KIF26B: variants seen among roughly 807,000 people sequenced by gnomAD.
The protein encoded by KIF26B is kinesin family member 26B.
In KIF26B, 63 loss-of-function variants were observed where a neutral mutation model predicts 151.2. That is an observed-to-expected ratio of 0.42 (90% CI 0.34 to 0.51). The LOEUF is 0.51. KIF26B is among the 20% of genes least tolerant of loss of function. KIF26B has a pLI of 0.07. For synonymous variants in KIF26B, 1,357 were observed against 1,262.1 expected (o/e 1.08, Z -1.59); for missense variants, 2,813 against 2,913.6 (o/e 0.97, Z 0.79).
intron 2 of KIF26B, among the ~76,000 whole-genome samples, chr1:245,197,763 T>A (rs1056891758): frequency 5.3e-5 from 8 of 152,094 alleles, no homozygotes; most frequent in African/African-American, 1.9e-4. Context: ...ACAGGAGATA[T>A]TTTGAAATTT....
intron 9 of KIF26B, among the ~76,000 whole-genome samples, chr1:245,639,751 A>G (rs1177081615): frequency 2.0e-5 from 3 of 151,874 alleles, no homozygotes; most frequent in African/African-American, 7.3e-5. Flanking sequence ...ATGTTATTCA[A>G]TTTCCATATA....
At chr1:245,349,262 T>C (rs559453063) in intron 2 of KIF26B, among the ~76,000 whole-genome samples, 4 of 152,326 alleles carry the variant, frequency 2.6e-5, no homozygotes, top group South Asian at 4.1e-4. Context: ...TAGATTCACA[T>C]TGATACTTGA....
rs968850038 is a variant in KIF26B at position 245,274,682 on chromosome 1, A to G, written c.466-92152A>G. Among the ~76,000 whole-genome samples, 3 of 152,252 alleles carry G rather than the reference A, an allele frequency of 2.0e-5. No homozygotes were observed. In the South Asian group the frequency reaches 6.2e-4, roughly 31 times the overall value. ...CTTTGCTATTGTGAACAGTGCCGCA[A>G]TAAACATATGTGTGCATGTGTCTTT... On this transcript the variant is annotated intron_variant, in intron 2 of 14. Transcript: ENST00000407071.
chr1:245,669,854 C>G (rs1320748470), intron 10 of KIF26B, among the ~76,000 whole-genome samples: 1 of 152,100 alleles, frequency 6.6e-6, no homozygotes, highest in Non-Finnish European at 1.5e-5. Context: ...AGCAGGGGAG[C>G]TGGAGGCCAT....
At chr1:245,201,759 G>T (rs1292473365) in intron 2 of KIF26B, among the ~76,000 whole-genome samples, 1 of 152,176 alleles carries the variant, frequency 6.6e-6, no homozygotes, top group Non-Finnish European at 1.5e-5. Flanking sequence ...TAGGAGGCGT[G>T]GGGGCGGGGG....
chr1:245,533,478 A>G (rs1240735159), intron 4 of KIF26B, among the ~76,000 whole-genome samples: 2 of 152,224 alleles, frequency 1.3e-5, no homozygotes, highest in East Asian at 1.9e-4. Context: ...CCCCTCAGAC[A>G]AGATGAAATA....
chr1:245,624,506 A>G (rs752078625), intron 9 of KIF26B, among the ~76,000 whole-genome samples: 2 of 152,180 alleles, frequency 1.3e-5, no homozygotes, highest in African/African-American at 2.4e-5. Context: ...GCACTTCGCT[A>G]ATGACCAATG....
chr1:245,471,194 C>T (rs1007323472), intron 4 of KIF26B, among the ~76,000 whole-genome samples: 4 of 151,576 alleles, frequency 2.6e-5, no homozygotes, highest in Non-Finnish European at 5.9e-5. Context: ...ACAGTGGCAC[C>T]ATCTCGGCTC....
chr1:245,291,827 G>A lies in KIF26B; in HGVS notation c.466-75007G>A, dbSNP rs1035049271. Among the ~76,000 whole-genome samples the A allele has an allele frequency of 3.9e-5, 6 of 152,258 alleles. No individual in the cohort carries two copies. In the South Asian group the frequency reaches 8.3e-4, roughly 21 times the overall value. On this transcript the variant is annotated intron_variant, in intron 2 of 14. Transcript: ENST00000407071. ...CGGTGACAGTGTGGGGCCCAGAGAC[G>A]GTACGGTGGAGCACTTTTCAGAGAG... is the stretch of plus-strand genomic sequence containing the variant.
intron 2 of KIF26B, among the ~76,000 whole-genome samples, chr1:245,203,073 T>C (rs1292856487): frequency 6.6e-6 from 1 of 150,542 alleles, no homozygotes; most frequent in Non-Finnish European, 1.5e-5. Flanking sequence ...GACAACATTT[T>C]TAGTCTCTAC....
At chr1:245,446,982 C>A (rs1227757090) in intron 4 of KIF26B, among the ~76,000 whole-genome samples, 2 of 152,288 alleles carry the variant, frequency 1.3e-5, no homozygotes, top group African/African-American at 4.8e-5. Flanking sequence ...AGCCAGTGGT[C>A]TCTTCTGTAA....
intron 2 of KIF26B, among the ~76,000 whole-genome samples, chr1:245,264,832 G>T (rs1394557424): frequency 6.6e-6 from 1 of 151,768 alleles, no homozygotes; most frequent in Non-Finnish European, 1.5e-5. Context: ...GGCAGAGTTT[G>T]CAGAGAGCCG....
Position 245,516,110 on chromosome 1 carries a change from T to C in KIF26B, c.1167-24657T>C, listed in dbSNP as rs185446543. 1.8e-4 allele frequency among the ~76,000 whole-genome samples: 28 copies of C among 152,292 alleles called. No homozygotes were observed. The East Asian group carries it at 3.7e-3, about 20-fold the overall frequency. On this transcript the variant is annotated intron_variant, in intron 4 of 14. Transcript: ENST00000407071. This position sits in a 1 kb window ranked among gnomAD's most constrained non-coding sequence, Gnocchi z 4.2. ...CCTGAGTTTGTTTTCACGGTGGGAC[T>C]ATCCAGGACTAAAGAGAATGGCACC...
chr1:245,237,039 G>A (rs185869843), intron 2 of KIF26B, among the ~76,000 whole-genome samples: 14 of 152,334 alleles, frequency 9.2e-5, no homozygotes, highest in Admixed American at 4.6e-4. Flanking sequence ...GGCTCACAAC[G>A]TAGCAGAATT....
At chr1:245,169,494 C>G (rs931859884) in intron 2 of KIF26B, among the ~76,000 whole-genome samples, 1 of 152,018 alleles carries the variant, frequency 6.6e-6, no homozygotes, top group African/African-American at 2.4e-5. Flanking sequence ...TAAAGTGGGC[C>G]GTGCAATTAC....
chr1:245,293,674 G>A (rs944072451), intron 2 of KIF26B, among the ~76,000 whole-genome samples: 8 of 151,592 alleles, frequency 5.3e-5, no homozygotes, highest in African/African-American at 1.7e-4. Context: ...CACCTCCCGG[G>A]TTCAAGCAAT....
chr1:245,278,832 G>A (rs1269251288), intron 2 of KIF26B, among the ~76,000 whole-genome samples: 2 of 152,168 alleles, frequency 1.3e-5, no homozygotes, highest in Non-Finnish European at 2.9e-5. Flanking sequence ...TCATCTTTCT[G>A]TTTTCTGGCC....
At chr1:245,345,963 T>G (rs1672447027) in intron 2 of KIF26B, among the ~76,000 whole-genome samples, 1 of 151,056 alleles carries the variant, frequency 6.6e-6, no homozygotes, top group African/African-American at 2.4e-5. Flanking sequence ...GACAGAGTTT[T>G]ACCCTGTTTC....
At chr1:245,492,617 T>G (rs1283807081) in intron 4 of KIF26B, among the ~76,000 whole-genome samples, 1 of 152,236 alleles carries the variant, frequency 6.6e-6, no homozygotes, top group Non-Finnish European at 1.5e-5. Flanking sequence ...TGCATCAATT[T>G]GTGACCAAAG....
Sources: gnomAD v4.1 joint callset for allele counts (sites outside exome capture counted in the v4.1 genomes callset) on GRCh38, gnomAD v4.1.1 for gene constraint, Gnocchi (gnomAD v3.1) non-coding constraint, MANE v1.5 for transcripts, NCBI Gene and HGNC (gene_info 2026-07-23, HGNC 2026-07-21) for gene names.